The following ABR variants were observed in gnomAD, a reference collection of about 807,000 sequenced individuals.
ABR encodes active breakpoint cluster region-related protein.
In ABR, 35 loss-of-function variants were observed where a neutral mutation model predicts 107.2. The ratio of observed to expected loss-of-function variants is 0.33; its 90% CI spans 0.25 to 0.43. ABR has a LOEUF of 0.43. ABR is among the 20% of genes least tolerant of loss of function. The probability of loss-of-function intolerance (pLI) is 1.00; values close to 1 mark genes in which losing one functional copy is unlikely to be tolerated. For synonymous variants in ABR, 498 were observed against 462.0 expected (o/e 1.08, Z -1.00); for missense variants, 815 against 1,115.2 (o/e 0.73, Z 3.83).
chr17:1,229,292 G>C (rs2043288879), exon 1 of ABR, among the ~76,000 whole-genome samples: 1 of 151,494 alleles, frequency 6.6e-6, no homozygotes, highest in African/African-American at 2.4e-5. Flanking sequence ...TCCTTCCCCC[G>C]CCGGCTTCTC....
intron 9 of ABR, among the ~76,000 whole-genome samples, chr17:1,068,582 G>A (rs2034956247): frequency 6.6e-6 from 1 of 152,252 alleles, no homozygotes; most frequent in South Asian, 2.1e-4. Flanking sequence ...CACTGCAGTT[G>A]ATCACTAAGT....
chr17:1,023,342 C>T (rs573733137), intron 16 of ABR, among the ~76,000 whole-genome samples: 20 of 152,370 alleles, frequency 1.3e-4, no homozygotes, highest in African/African-American at 4.1e-4. Context: ...TCTCCCCCAG[C>T]GGCCTAGGGC....
intron 10 of ABR, among the ~76,000 whole-genome samples, chr17:1,064,511 AG>A (rs1418601405): frequency 2.3e-5 from 3 of 128,674 alleles, no homozygotes; most frequent in African/African-American, 8.6e-5. Flanking sequence ...ATGTGAACTG[AG>A]GGCTATGCAT....
In ABR at chr17:1,173,286, C is replaced by T. The variant is rs4998327; in HGVS notation, c.61+6381G>A. On this transcript the variant is annotated intron_variant, in intron 1 of 22. Coordinates refer to ENST00000302538, the MANE Select transcript of ABR (RefSeq NM_021962.5). ...CACCCAACACATCACCTCAGCCCAC[C>T]CAACACATCACCTCAGTCCACCCCC... Among the ~76,000 whole-genome samples the T allele has an allele frequency of 2.3e-3, 189 of 81,548 alleles. 8 individuals are homozygous for T. Among genetic ancestry groups the T allele is most frequent in the African/African-American group, 4.0e-3 (118 of 29,842 alleles). 53.5% of individuals were successfully genotyped at this position (81,548 alleles called of 152,430 possible).
chr17:1,223,606 G>T (rs2043159951), intron 1 of ABR, among the ~76,000 whole-genome samples: 1 of 152,098 alleles, frequency 6.6e-6, no homozygotes, highest in Non-Finnish European at 1.5e-5. Flanking sequence ...ACCTGTATTT[G>T]TCCGTGTTCA....
chr17:1,148,398 G>A lies in ABR; in HGVS notation c.62-23031C>T, dbSNP rs1022480301. 1.3e-5 allele frequency among the ~76,000 whole-genome samples: 2 copies of A among 152,186 alleles called. No individual in the cohort carries two copies. The highest frequency in any genetic ancestry group is 2.9e-5 in the Non-Finnish European group (2 of 68,040). On this transcript the variant is annotated intron_variant, in intron 1 of 22. Transcript: ENST00000302538. The surrounding 1 kb of genome is among the most constrained non-coding windows in gnomAD (Gnocchi z 4.9). ...TGCTTAGAGCAGTTAGATTCATCAAGTCAGAAAGTAGGAGGGTGGTGGCCA... is the reference window on the plus strand; with the variant it reads ...TGCTTAGAGCAGTTAGATTCATCAAATCAGAAAGTAGGAGGGTGGTGGCCA...
At chr17:1,184,361 G>T (rs1018530760), upstream of ABR, among the ~76,000 whole-genome samples, 1 of 151,436 alleles carries the variant, frequency 6.6e-6, no homozygotes, top group Admixed American at 6.6e-5. Context: ...AGGCTGAGGC[G>T]AGAGAATGGT....
upstream of ABR, among the ~76,000 whole-genome samples, chr17:1,184,601 G>T (rs2042234600): frequency 6.6e-6 from 1 of 152,098 alleles, no homozygotes; most frequent in South Asian, 2.1e-4. Context: ...CGAGCGCCCA[G>T]CAGATCGGCA....
At chr17:1,014,405 C>T (rs1411957249) in intron 16 of ABR, among the ~76,000 whole-genome samples, 6 of 148,066 alleles carry the variant, frequency 4.1e-5, no homozygotes, top group Non-Finnish European at 8.9e-5. Context: ...CGCGCCACTG[C>T]ACTCCAGCCT....
intron 1 of ABR, among the ~76,000 whole-genome samples, chr17:1,130,483 GC>G (rs1050376254): frequency 2.6e-5 from 4 of 151,948 alleles, no homozygotes; most frequent in African/African-American, 9.7e-5. Flanking sequence ...TAGGGACACA[GC>G]CCCGCTCCTC....
rs372375836 is a variant in ABR, at chr17:1,161,277, C to T, written c.61+18390G>A. Among the ~76,000 whole-genome samples, 15 of 151,498 alleles carry T rather than the reference C, an allele frequency of 9.9e-5. 1 individual carries two copies. In the East Asian group the frequency reaches 1.7e-3, roughly 18 times the overall value. On this transcript the variant is annotated intron_variant, in intron 1 of 22. Coordinates refer to ENST00000302538, the MANE Select transcript of ABR (RefSeq NM_021962.5). ...TTTTTTTTTAAGACAAGGTCTCATT[C>T]CTTTGCCCAGGCCAGAGTGCAGAAT...
intron 16 of ABR, among the ~76,000 whole-genome samples, chr17:1,020,144 C>T (rs915813610): frequency 3.9e-5 from 6 of 152,026 alleles, no homozygotes; most frequent in African/African-American, 9.7e-5. Flanking sequence ...AGTGCAGTGG[C>T]GCGATCTCAG....
chr17:1,221,868 T>C (rs1269311217), intron 1 of ABR, among the ~76,000 whole-genome samples: 1 of 152,136 alleles, frequency 6.6e-6, no homozygotes, highest in African/African-American at 2.4e-5. Flanking sequence ...CCTCTGAAGA[T>C]GCAAAACACC....
chr17:1,161,419 T>G (rs112653799), intron 1 of ABR, among the ~76,000 whole-genome samples: 1 of 20,610 alleles, frequency 4.9e-5, no homozygotes, highest in African/African-American at 3.4e-4. Context: ...TTTTTTAAAA[T>G]TTTTTTTGTA....
At chr17:1,108,900 C>G (rs750027605) in intron 2 of ABR, 2 of 1,555,898 alleles carry the variant, frequency 1.3e-6, no homozygotes, top group South Asian at 1.2e-5. Context: ...CCGGCCCGGC[C>G]CCCCCCAGCG....
chr17:1,122,843 C>CCGTT (rs1187803235), intron 2 of ABR, among the ~76,000 whole-genome samples: 3 of 152,210 alleles, frequency 2.0e-5, no homozygotes, highest in African/African-American at 7.2e-5. Flanking sequence ...CTTGGGCTTC[C>CCGTT]CGTTGGCTGC....
intron 1 of ABR, among the ~76,000 whole-genome samples, chr17:1,193,274 C>T (rs905920528): frequency 2.8e-5 from 4 of 144,564 alleles, no homozygotes; most frequent in South Asian, 2.2e-4. Context: ...GACACCCCCT[C>T]CCCCTCAATA....
intron 1 of ABR, among the ~76,000 whole-genome samples, chr17:1,130,044 A>G (rs35758478): frequency 0.071 from 10,781 of 152,314 alleles, 442 homozygotes; most frequent in Middle Eastern, 0.15. Context: ...CAAGCGCATA[A>G]AAATCATCAC....
chr17:1,140,035 G>T (rs1056268615), intron 1 of ABR, among the ~76,000 whole-genome samples: 2 of 152,174 alleles, frequency 1.3e-5, no homozygotes, highest in African/African-American at 4.8e-5. Flanking sequence ...TTTCACGCAC[G>T]CTGGGAGCCA....
Sources: allele counts gnomAD v4.1 joint callset (sites outside exome capture counted in the v4.1 genomes callset), GRCh38; gene constraint gnomAD v4.1.1; non-coding constraint Gnocchi (gnomAD v3.1); transcripts MANE v1.5; gene names NCBI Gene and HGNC (gene_info 2026-07-23, HGNC 2026-07-21).